Variants in DOT1L observed in about 807,000 individuals in gnomAD.
The protein encoded by DOT1L is DOT1 like histone lysine methyltransferase, also known as histone-lysine N-methyltransferase, H3 lysine-79 specific.
Under a neutral mutation model 153.3 loss-of-function variants are expected in DOT1L, and 33 were observed. That is an observed-to-expected ratio of 0.22 (90% CI 0.16 to 0.29). The LOEUF (loss-of-function observed/expected upper bound fraction) is 0.29. Among genes scored for constraint, DOT1L ranks in the 10% least tolerant of loss-of-function variants. The pLI, the probability that DOT1L is intolerant of heterozygous loss-of-function variation, is 1.00. For synonymous variants in DOT1L, 1,135 were observed against 965.1 expected (o/e 1.18, Z -3.26); for missense variants, 1,847 against 2,119.9 (o/e 0.87, Z 2.53).
chr19:2,188,443 C>T (rs537676460), intron 3 of DOT1L, among the ~76,000 whole-genome samples: 7 of 120,564 alleles, frequency 5.8e-5, no homozygotes, highest in East Asian at 2.3e-4. Context: ...GTGGAGGTGG[C>T]GGAGGACGGA....
At chr19:2,225,334 C>T in intron 25 of DOT1L, 54 bp from the exon 26 acceptor site, 5 of 1,548,518 alleles carry the variant, frequency 3.2e-6, no homozygotes, top group Non-Finnish European at 4.5e-6. Context: ...GCATTTGTGT[C>T]ATTCTTAGTA....
Position 2,220,683 on chromosome 19 carries a change from CAG to C in DOT1L, c.2806+466_2806+467del. Reference sequence around the variant, plus strand: ...TGTTAGCCCAGTTTCTGCAGAGAGCCAGAGAGGATGCCACTTTGGCTTTTGTT... The same window carrying C: ...TGTTAGCCCAGTTTCTGCAGAGAGCCAGAGGATGCCACTTTGGCTTTTGTT... On this transcript the variant is annotated intron_variant, in intron 23 of 27. Transcript: ENST00000398665. This position sits in a 1 kb window ranked among gnomAD's most constrained non-coding sequence, Gnocchi z 4.5. The C allele has an allele frequency of 2.7e-6, 1 of 370,164 alleles. No individual in the cohort carries two copies. The highest frequency in any genetic ancestry group is 5.4e-6 in the Non-Finnish European group (1 of 185,244). 22.9% of individuals were successfully genotyped at this position (370,164 alleles called of 1,614,324 possible). A position where few individuals can be genotyped will look rare whatever the true frequency, so the allele number is the denominator to read the frequency against.
rs1486120305 is a variant in DOT1L at position 2,197,399 on chromosome 19, C to T, written c.652-2485C>T. On this transcript the variant is annotated intron_variant, in intron 7 of 27. Transcript: ENST00000398665. The surrounding 1 kb of genome is among the most constrained non-coding windows in gnomAD (Gnocchi z 4.1). ...AGGATGGAAGCCCTCGCCATGGTTCCCAGCGATGGCCAGGAGGGCGCCATG... is the reference window on the plus strand; with the variant it reads ...AGGATGGAAGCCCTCGCCATGGTTCTCAGCGATGGCCAGGAGGGCGCCATG... Among the ~76,000 whole-genome samples the T allele has an allele frequency of 2.6e-5, 4 of 152,202 alleles. No homozygotes were observed. The highest frequency in any genetic ancestry group is 4.4e-5 in the Non-Finnish European group (3 of 68,032).
At chr19:2,212,077 T>C (rs1279966121) in intron 16 of DOT1L, 17 of 521,902 alleles carry the variant, frequency 3.3e-5, no homozygotes, top group Non-Finnish European at 4.8e-5. Context: ...ACCTGGTGTC[T>C]GATAGGCACA....
Position 2,207,605 on chromosome 19 carries a change from C to T in DOT1L, c.888C>T (p.Leu296=). Residue 296 remains leucine (L), a synonymous_variant, in exon 11 of 28, where the codon CTC becomes CTT. Coordinates refer to ENST00000398665, the MANE Select transcript of DOT1L (RefSeq NM_032482.3). The surrounding 1 kb of genome is among the most constrained non-coding windows in gnomAD (Gnocchi z 4.5). ...DIGTIMRVVE[L]SPLKGSVSWT... Reference sequence around the variant, plus strand: ...GCACCATCATGCGCGTGGTGGAGCTCTCGCCCCTGAAGGGCTCGGTGTCGT... The same window carrying T: ...GCACCATCATGCGCGTGGTGGAGCTTTCGCCCCTGAAGGGCTCGGTGTCGT... 1 of 1,612,360 alleles carries T rather than the reference C, an allele frequency of 6.2e-7. No homozygotes were observed. Among genetic ancestry groups the T allele is most frequent in the Non-Finnish European group, 8.5e-7 (1 of 1,179,770 alleles).
At position 2,217,455 on chromosome 19, in the gene DOT1L, G is replaced by A. The variant is rs761630680; in HGVS notation, c.2545-317G>A. ...GGGATGGAGAGGGAAGGACGGTGAC[G>A]TTGCATGGACTTGGCAGTGATGGAT... On this transcript the variant is annotated intron_variant, in intron 21 of 27. Transcript: ENST00000398665. This position sits in a 1 kb window ranked among gnomAD's most constrained non-coding sequence, Gnocchi z 7.3. Among the ~76,000 whole-genome samples the A allele has an allele frequency of 6.6e-6, 1 of 152,200 alleles. No homozygotes were observed. The highest frequency in any genetic ancestry group is 2.4e-5 in the African/African-American group (1 of 41,452).
At chr19:2,213,685 A>G in intron 17 of DOT1L, 45 bp downstream of exon 17, 6 of 1,609,526 alleles carry the variant, frequency 3.7e-6, no homozygotes, top group Non-Finnish European at 4.2e-6. Flanking sequence ...GCTGGGGCGC[A>G]GGCTGGGGTG....
chr19:2,227,993 C>T, intron 27 of DOT1L: 1 of 1,286,578 alleles, frequency 7.8e-7, no homozygotes, highest in Non-Finnish European at 1.0e-6. Context: ...TCCACGCCCC[C>T]CCTCCACCTA....
chr19:2,180,212 A>G (rs950353947), intron 1 of DOT1L, among the ~76,000 whole-genome samples: 3 of 152,126 alleles, frequency 2.0e-5, no homozygotes, highest in Non-Finnish European at 2.9e-5. Context: ...TGGAGGCTCT[A>G]TCACCTGCGG....
intron 2 of DOT1L, 48 bp downstream of exon 2, chr19:2,180,804 TC>T: frequency 1.9e-6 from 3 of 1,609,104 alleles, no homozygotes; most frequent in Non-Finnish European, 2.5e-6. Context: ...CTGAGCCACT[TC>T]CGTGGACACC....
chr19:2,226,355 C>A lies in DOT1L; in HGVS notation c.3834C>A (p.Ala1278=). The A allele has an allele frequency of 6.3e-7, 1 of 1,593,486 alleles. No homozygotes were observed. The highest frequency in any genetic ancestry group is 8.5e-7 in the Non-Finnish European group (1 of 1,172,094). ...SQNSLFTFRP[A]LEEPSADAKL... is the part of the protein sequence containing the mutation. ...ACTCCCTGTTCACGTTCCGGCCCGC[C>A]CTGGAGGAGCCCTCTGCCGATGCCA... Residue 1278 remains alanine, a synonymous_variant, in exon 27 of 28, where the codon GCC becomes GCA. Coordinates refer to ENST00000398665, the MANE Select transcript of DOT1L (RefSeq NM_032482.3).
intron 7 of DOT1L, among the ~76,000 whole-genome samples, chr19:2,196,410 G>T (rs1568344950): frequency 6.6e-6 from 1 of 152,210 alleles, no homozygotes; most frequent in Non-Finnish European, 1.5e-5. Flanking sequence ...TTGGCTCACT[G>T]TAGCCTCCGC....
Position 2,197,853 on chromosome 19 carries a change from A to G in DOT1L, c.652-2031A>G, listed in dbSNP as rs1194044604. On this transcript the variant is annotated intron_variant, in intron 7 of 27. Transcript: ENST00000398665. This position sits in a 1 kb window ranked among gnomAD's most constrained non-coding sequence, Gnocchi z 4.1. The stretch of plus-strand genomic sequence containing the variant: ...CCAACCCTGCTGCGGAGGGTGGGTC[A>G]GAGAGGCTTCCACCTGACTGTTCCC... 2.0e-5 allele frequency among the ~76,000 whole-genome samples: 3 copies of G among 152,200 alleles called. No individual in the cohort carries two copies. The highest frequency in any genetic ancestry group is 4.4e-5 in the Non-Finnish European group (3 of 68,024).
At chr19:2,212,486 C>G (rs758335511) in intron 16 of DOT1L, 2 of 152,452 alleles carry the variant, frequency 1.3e-5, no homozygotes, top group Non-Finnish European at 2.9e-5. Context: ...TAGGGTTGTC[C>G]TGCTGCATTT....
At chr19:2,184,876 G>A (rs868508748) in intron 2 of DOT1L, among the ~76,000 whole-genome samples, 4 of 152,172 alleles carry the variant, frequency 2.6e-5, no homozygotes, top group Non-Finnish European at 5.9e-5. Flanking sequence ...GTTTCCTCAC[G>A]TTTTTAAGGG....
intron 3 of DOT1L, among the ~76,000 whole-genome samples, chr19:2,187,475 G>T (rs1298982537): frequency 6.6e-6 from 1 of 152,206 alleles, no homozygotes; most frequent in African/African-American, 2.4e-5. Context: ...GCCACCTGAG[G>T]GACCGAGCCA....
In DOT1L at chr19:2,226,728, A is replaced by C. The variant is rs1289503531; in HGVS notation, c.4207A>C (p.Thr1403Pro). ...ACCGCTGTGCGGGCCCACGGACAAG[A>C]CCCCACTGCTGAGCGGCAAGGCCGC... ...GLPLCGPTDK[T>P]PLLSGKAAKA... The change falls in exon 27 of 28, where the codon ACC (threonine) becomes CCC (proline). Residue 1403 changes from threonine to proline, a missense_variant. By Grantham distance (38) the Thr-to-Pro change is conservative. Around this residue, in one of 8 missense-constraint regions of DOT1L, gnomAD observed 934 missense variants for 825.3 expected, o/e 1.13. Coordinates refer to ENST00000398665, the MANE Select transcript of DOT1L (RefSeq NM_032482.3). 6.4e-7 allele frequency: 1 copy of C among 1,556,526 alleles called. No individual in the cohort carries two copies. Among genetic ancestry groups the C allele is most frequent in the Non-Finnish European group, 8.6e-7 (1 of 1,156,952 alleles).
At chr19:2,175,940 C>G (rs1599537007) in intron 1 of DOT1L, among the ~76,000 whole-genome samples, 1 of 152,174 alleles carries the variant, frequency 6.6e-6, no homozygotes, top group Non-Finnish European at 1.5e-5. Context: ...GAGGCTCCCA[C>G]CCATAGACCA....
At chr19:2,199,641 G>A (rs1450671683) in intron 7 of DOT1L, among the ~76,000 whole-genome samples, 2 of 152,308 alleles carry the variant, frequency 1.3e-5, no homozygotes, top group East Asian at 1.9e-4. Context: ...CTCCCCAAGC[G>A]GATGCTGGAG....
Sources: allele counts gnomAD v4.1 joint callset (sites outside exome capture counted in the v4.1 genomes callset), GRCh38; gene constraint gnomAD v4.1.1; regional missense constraint gnomAD v4.1.1; non-coding constraint Gnocchi (gnomAD v3.1); transcripts MANE v1.5; gene names NCBI Gene and HGNC (gene_info 2026-07-23, HGNC 2026-07-21).